The following NWD1 variants were observed in gnomAD, a reference collection of about 807,000 sequenced individuals.
NWD1 encodes NACHT domain- and WD repeat-containing protein 1.
A neutral mutation model predicts 135.1 loss-of-function variants in NWD1; 129 were observed. That is an observed-to-expected ratio of 0.96 (90% confidence interval 0.83 to 1.11). The LOEUF (loss-of-function observed/expected upper bound fraction) is 1.11, where lower values mean the gene tolerates loss of function less well. Ranked by LOEUF, NWD1 falls within the 50% of genes least tolerant of loss-of-function variation. The pLI, the probability that NWD1 is intolerant of heterozygous loss-of-function variation, is 0.00. For synonymous variants in NWD1, 773 were observed against 786.0 expected (o/e 0.98, Z 0.28); for missense variants, 1,740 against 1,851.3 (o/e 0.94, Z 1.10).
chr19:16,729,558 G>T (rs1201216956), intron 2 of NWD1, among the ~76,000 whole-genome samples: 6 of 145,746 alleles, frequency 4.1e-5, no homozygotes, highest in Non-Finnish European at 8.8e-5. Context: ...ACATGGCGAG[G>T]CCCCATCTTT....
chr19:16,784,208 G>GAA (rs570732837), intron 12 of NWD1, among the ~76,000 whole-genome samples: 110 of 122,956 alleles, frequency 8.9e-4, no homozygotes, highest in African/African-American at 3.1e-3. Context: ...GTCTTAAAAA[G>GAA]AAAAAAAAAA....
chr19:16,797,864 G>C lies in NWD1; in HGVS notation c.3437G>C (p.Gly1146Ala), dbSNP rs752035008. ...FGTENNLIIT[G>A]SLDALIQVWS... ...ACTGAGAACAACCTGATCATCACGGGGTCCCTTGATGCGCTCATTCAGGTG... is the reference window on the plus strand; with the variant it reads ...ACTGAGAACAACCTGATCATCACGGCGTCCCTTGATGCGCTCATTCAGGTG... The change falls in exon 16 of 19, where the codon GGG becomes GCG. Residue 1146 changes from glycine (G) to alanine (A), a missense_variant. By Grantham distance (60) the Gly-to-Ala change is moderately conservative. Coordinates refer to ENST00000524140, the MANE Select transcript of NWD1 (RefSeq NM_001007525.5). 6.2e-7 allele frequency: 1 copy of C among 1,613,958 alleles called. No homozygotes were observed. The highest frequency in any genetic ancestry group is 2.2e-5 in the East Asian group (1 of 44,870).
chr19:16,724,275 G>C (rs369631370), intron 1 of NWD1, 91 bp from the exon 2 acceptor site: 1 of 152,076 alleles, frequency 6.6e-6, no homozygotes, highest in African/African-American at 2.4e-5. Context: ...GGATATTTTC[G>C]GCATTAATTT....
At chr19:16,782,356 C>T (rs570879247) in intron 12 of NWD1, among the ~76,000 whole-genome samples, 9 of 150,022 alleles carry the variant, frequency 6.0e-5, no homozygotes, top group South Asian at 2.1e-4. Flanking sequence ...GTCCCAGCTA[C>T]GTGAGAGGCT....
chr19:16,763,488 C>G (rs1416657004), intron 8 of NWD1, among the ~76,000 whole-genome samples: 1 of 152,168 alleles, frequency 6.6e-6, no homozygotes, highest in Non-Finnish European at 1.5e-5. Flanking sequence ...CAGACCTTTG[C>G]CCATGCTGTT....
chr19:16,747,515 C>A (rs1246059410), intron 5 of NWD1, among the ~76,000 whole-genome samples: 1 of 151,498 alleles, frequency 6.6e-6, no homozygotes, highest in African/African-American at 2.4e-5. Flanking sequence ...TAGCTGGGAC[C>A]GCAGTCACAC....
chr19:16,726,355 C>T (rs987486400), intron 2 of NWD1, among the ~76,000 whole-genome samples: 1 of 152,168 alleles, frequency 6.6e-6, no homozygotes, highest in Non-Finnish European at 1.5e-5. Context: ...AGAGATCCTC[C>T]TGCCCTGGCC....
intron 11 of NWD1, 78 bp from the exon 12 acceptor site, chr19:16,779,265 G>A (rs1969769522): frequency 6.5e-7 from 1 of 1,528,634 alleles, no homozygotes; most frequent in Non-Finnish European, 9.0e-7. Context: ...TGAAGTGGGG[G>A]GCTCATTAGA....
At chr19:16,766,016 C>CAAAAAAAAAAAAA (rs35265751) in intron 10 of NWD1, among the ~76,000 whole-genome samples, 2 of 91,750 alleles carry the variant, frequency 2.2e-5, no homozygotes, top group Non-Finnish European at 5.1e-5. Flanking sequence ...GACTCCGTCT[C>CAAAAAAAAAAAAA]AAAAAAAAAA....
At chr19:16,798,144 G>C (rs1382658638) in intron 16 of NWD1, among the ~76,000 whole-genome samples, 1 of 152,114 alleles carries the variant, frequency 6.6e-6, no homozygotes, top group Non-Finnish European at 1.5e-5. Context: ...TGCCTTCAGA[G>C]TGGAGCAGGG....
chr19:16,805,843 A>G (rs1171272072), intron 17 of NWD1, among the ~76,000 whole-genome samples: 1 of 151,984 alleles, frequency 6.6e-6, no homozygotes, highest in African/African-American at 2.4e-5. Context: ...ATCATTAACA[A>G]GGAGTTTCTT....
chr19:16,757,818 G>A (rs1968854162), intron 6 of NWD1, among the ~76,000 whole-genome samples: 1 of 152,196 alleles, frequency 6.6e-6, no homozygotes, highest in Non-Finnish European at 1.5e-5. Flanking sequence ...TTGGGAGGCT[G>A]AGGCAGGCAG....
intron 6 of NWD1, among the ~76,000 whole-genome samples, chr19:16,758,195 G>A (rs1405816994): frequency 6.6e-6 from 1 of 152,092 alleles, no homozygotes; most frequent in African/African-American, 2.4e-5. Flanking sequence ...TTTGAAAGAT[G>A]GTTCATGCAA....
chr19:16,772,905 C>G (rs1273905925), intron 10 of NWD1, among the ~76,000 whole-genome samples: 2 of 152,056 alleles, frequency 1.3e-5, no homozygotes, highest in African/African-American at 4.8e-5. Context: ...TCTAGGCAAC[C>G]TGGGCAAAGG....
chr19:16,744,468 C>T lies in NWD1; in HGVS notation c.246C>T (p.Ile82=), dbSNP rs376899915. ...QYGPCLIPSR[I]DEKEWEVLRD... is the part of the protein sequence containing the mutation. ...GCCCCTGTCTGATTCCCTCGCGGAT[C>T]GATGAGAAGGAGTGGGAGGTATTGA... The change falls in exon 5 of 19, where the codon ATC becomes ATT. Residue 82 remains isoleucine (I), a synonymous_variant. Coordinates refer to ENST00000524140, the MANE Select transcript of NWD1 (RefSeq NM_001007525.5). 1.2e-4 allele frequency: 189 copies of T among 1,535,646 alleles called. 1 individual carries two copies. In the South Asian group the frequency reaches 1.5e-3, roughly 12 times the overall value.
chr19:16,755,856 A>G (rs1432094607), intron 6 of NWD1, among the ~76,000 whole-genome samples: 1 of 152,168 alleles, frequency 6.6e-6, no homozygotes, highest in Non-Finnish European at 1.5e-5. Flanking sequence ...ATCTCTGTAT[A>G]TACAGTTGGC....
intron 14 of NWD1, among the ~76,000 whole-genome samples, chr19:16,792,542 C>T (rs1014701411): frequency 2.6e-5 from 4 of 152,002 alleles, no homozygotes; most frequent in African/African-American, 7.3e-5. Flanking sequence ...ATTAGCCGGG[C>T]GTGGTGGTGA....
At chr19:16,764,715 C>A (rs1969154759) in intron 9 of NWD1, among the ~76,000 whole-genome samples, 1 of 152,162 alleles carries the variant, frequency 6.6e-6, no homozygotes, top group Non-Finnish European at 1.5e-5. Flanking sequence ...CTCTATCCAT[C>A]CATTCACCAA....
At position 16,791,772 on chromosome 19, in the gene NWD1, G is replaced by C. The variant is rs112247725; in HGVS notation, c.3213+150G>C. On this transcript the variant is annotated intron_variant, in intron 14 of 18. Coordinates refer to ENST00000524140, the MANE Select transcript of NWD1 (RefSeq NM_001007525.5). ...TTTGTTGCCCAGGCTGGAGTGCAAT[G>C]GTGTAATCTCAGCTCACTGCAACCT... 1.2e-5 allele frequency: 9 copies of C among 775,934 alleles called. 1 individual carries two copies. Among genetic ancestry groups the C allele is most frequent in the African/African-American group, 8.6e-5 (5 of 58,300 alleles). 48.1% of individuals were successfully genotyped at this position (775,934 alleles called of 1,614,324 possible).
Sources: allele counts gnomAD v4.1 joint callset (sites outside exome capture counted in the v4.1 genomes callset), GRCh38; gene constraint gnomAD v4.1.1; transcripts MANE v1.5; gene names NCBI Gene and HGNC (gene_info 2026-07-23, HGNC 2026-07-21).